Variants in PDE8B observed in about 807,000 individuals in gnomAD.
The protein encoded by PDE8B is high affinity cAMP-specific and IBMX-insensitive 3',5'-cyclic phosphodiesterase 8B.
Under a neutral mutation model 101.3 loss-of-function variants are expected in PDE8B, and 26 were observed. The observed-to-expected ratio is 0.26, with a 90% CI of 0.19 to 0.36. The LOEUF is 0.36. Among genes scored for constraint, PDE8B ranks in the 10% least tolerant of loss-of-function variants. The probability of loss-of-function intolerance (pLI) is 1.00; values close to 1 mark genes in which losing one functional copy is unlikely to be tolerated. For synonymous variants in PDE8B, 424 were observed against 429.3 expected (o/e 0.99, Z 0.15); for missense variants, 810 against 1,163.1 (o/e 0.70, Z 4.42).
chr5:77,155,016 A>G, the PDE8B span, among the ~76,000 whole-genome samples: 2 of 152,158 alleles, frequency 1.3e-5, no homozygotes, highest in South Asian at 4.1e-4. Flanking sequence ...AAATTGGGGC[A>G]TATTTGCCTC....
At chr5:77,223,358 A>G (rs1293256879) in intron 1 of PDE8B, among the ~76,000 whole-genome samples, 18 of 145,088 alleles carry the variant, frequency 1.2e-4, no homozygotes, top group African/African-American at 4.3e-4. Flanking sequence ...AGCATTAGGT[A>G]TATCTCCTAA....
At chr5:77,177,744 G>A in the PDE8B span, among the ~76,000 whole-genome samples, 1 of 152,186 alleles carries the variant, frequency 6.6e-6, no homozygotes, top group African/African-American at 2.4e-5. Flanking sequence ...AGTGACTCAC[G>A]GGGGATGTGG....
At chr5:77,248,428 C>T (rs1757399280) in intron 1 of PDE8B, among the ~76,000 whole-genome samples, 1 of 146,554 alleles carries the variant, frequency 6.8e-6, no homozygotes, top group Non-Finnish European at 1.5e-5. Context: ...TAAGAAACCC[C>T]CAATTAAATT....
At chr5:77,323,990 T>A (rs1056869880) in intron 2 of PDE8B, among the ~76,000 whole-genome samples, 2 of 152,060 alleles carry the variant, frequency 1.3e-5, no homozygotes, top group Admixed American at 1.3e-4. Flanking sequence ...AAAAAGTATT[T>A]TTCAAATGTA....
intron 10 of PDE8B, among the ~76,000 whole-genome samples, chr5:77,369,499 A>G (rs141148150): frequency 2.1e-4 from 32 of 152,322 alleles, no homozygotes; most frequent in African/African-American, 6.5e-4. Flanking sequence ...GAGGAATCCA[A>G]GGAGATCCGA....
At chr5:77,318,099 C>T (rs1346671980) in intron 2 of PDE8B, among the ~76,000 whole-genome samples, 1 of 148,128 alleles carries the variant, frequency 6.8e-6, no homozygotes, top group African/African-American at 2.5e-5. Context: ...CAACAAAAAC[C>T]ACCTTATTCT....
rs377029423 is a variant in PDE8B, at chr5:77,344,841, T to G, written c.798-12T>G. 45 of 1,560,844 alleles carry G rather than the reference T, an allele frequency of 2.9e-5. No individual in the cohort carries two copies. The highest frequency in any genetic ancestry group is 8.1e-5 in the African/African-American group (6 of 73,842). On this transcript the variant is annotated splice_polypyrimidine_tract_variant and intron_variant, in intron 6 of 21. Transcript: ENST00000264917. The stretch of plus-strand genomic sequence containing the variant: ...CATAGAAGAACTAACTTCAATCTTT[T>G]ATAACTTTCAGGGCCTGTAATTCAG...
chr5:77,183,142 C>T, the PDE8B span, among the ~76,000 whole-genome samples: 1 of 135,498 alleles, frequency 7.4e-6, no homozygotes, highest in African/African-American at 3.1e-5. Flanking sequence ...TATTTTGAGA[C>T]AGAGTCTTGC....
chr5:77,130,432 C>A, the PDE8B span, among the ~76,000 whole-genome samples: 1 of 151,920 alleles, frequency 6.6e-6, no homozygotes, highest in Non-Finnish European at 1.5e-5. Flanking sequence ...TACTTCGGGG[C>A]GGGGAGGGGA....
intron 10 of PDE8B, among the ~76,000 whole-genome samples, chr5:77,370,737 T>A (rs1426561865): frequency 6.6e-6 from 1 of 152,200 alleles, no homozygotes; most frequent in Non-Finnish European, 1.5e-5. Context: ...AACTGCCAGT[T>A]CTCCCAAAGT....
Position 77,389,023 on chromosome 5 carries a change from C to A in PDE8B, c.1168-11225C>A, listed in dbSNP as rs181328431. On this transcript the variant is annotated intron_variant, in intron 10 of 21. Coordinates refer to ENST00000264917, the MANE Select transcript of PDE8B (RefSeq NM_003719.5). Reference sequence around the variant, plus strand: ...CTTTCTGGGCTCTGTGGAGGTGGGACCCGCTGAGCCAGACCACTTGGCTCC... The same window carrying A: ...CTTTCTGGGCTCTGTGGAGGTGGGAACCGCTGAGCCAGACCACTTGGCTCC... Among the ~76,000 whole-genome samples, 11 of 152,236 alleles carry A rather than the reference C, an allele frequency of 7.2e-5. No individual in the cohort carries two copies. The East Asian group carries it at 2.1e-3, about 29-fold the overall frequency.
intron 17 of PDE8B, among the ~76,000 whole-genome samples, chr5:77,414,090 C>T (rs1418585735): frequency 7.9e-5 from 12 of 152,290 alleles, no homozygotes; most frequent in African/African-American, 2.6e-4. Flanking sequence ...AAATGCCTGA[C>T]ATTAGATCAT....
At chr5:77,252,790 G>A (rs553929858) in intron 1 of PDE8B, among the ~76,000 whole-genome samples, 2 of 152,246 alleles carry the variant, frequency 1.3e-5, no homozygotes, top group East Asian at 3.9e-4. Context: ...TAGAACACTG[G>A]TGATTTGACA....
intron 1 of PDE8B, among the ~76,000 whole-genome samples, chr5:77,242,514 G>GACTCCTACC (rs1474684385): frequency 9.8e-5 from 15 of 152,286 alleles, no homozygotes; most frequent in Non-Finnish European, 1.8e-4. Flanking sequence ...ACTAAAAGAA[G>GACTCCTACC]CTAGATATAT....
intron 1 of PDE8B, among the ~76,000 whole-genome samples, chr5:77,303,259 G>C (rs553835316): frequency 1.3e-5 from 2 of 152,058 alleles, no homozygotes; most frequent in Non-Finnish European, 2.9e-5. Context: ...TAGGTCATAC[G>C]CTGAGTGTGG....
chr5:77,373,297 C>T (rs1204204592), intron 10 of PDE8B, among the ~76,000 whole-genome samples: 1 of 151,476 alleles, frequency 6.6e-6, no homozygotes, highest in African/African-American at 2.5e-5. Flanking sequence ...TAGGTAGAAC[C>T]TCAGGTCATT....
At chr5:77,230,641 A>AT (rs1753381733) in intron 1 of PDE8B, among the ~76,000 whole-genome samples, 1 of 151,818 alleles carries the variant, frequency 6.6e-6, no homozygotes, top group African/African-American at 2.4e-5. Context: ...TGATTTTTGT[A>AT]TTTTTTGTAT....
intron 1 of PDE8B, among the ~76,000 whole-genome samples, chr5:77,301,318 A>G (rs1206065781): frequency 6.6e-6 from 1 of 152,160 alleles, no homozygotes; most frequent in Admixed American, 6.5e-5. Flanking sequence ...AAATCTCTAA[A>G]ACTCATTTTT....
At chr5:77,095,999 A>AT in the PDE8B span, among the ~76,000 whole-genome samples, 3 of 151,250 alleles carry the variant, frequency 2.0e-5, no homozygotes, top group South Asian at 2.1e-4. Context: ...CATGATACAC[A>AT]TTTTTTTTTG....
Sources: gnomAD v4.1 joint callset for allele counts (sites outside exome capture counted in the v4.1 genomes callset) on GRCh38, gnomAD v4.1.1 for gene constraint, MANE v1.5 for transcripts, NCBI Gene and HGNC (gene_info 2026-07-23, HGNC 2026-07-21) for gene names.